EGFR: variants seen among roughly 807,000 people sequenced by gnomAD.
The protein encoded by EGFR is avian erythroblastic leukemia viral (v-erb-b) oncogene homolog.
EGFR carries 58 observed loss-of-function variants against 143.0 expected under a neutral mutation model. The ratio of observed to expected loss-of-function variants is 0.41; its 90% confidence interval spans 0.33 to 0.50. EGFR has a LOEUF of 0.50. EGFR is among the 20% of genes least tolerant of loss of function. The pLI is 0.39. For missense variants in EGFR, 1,307 were observed against 1,579.0 expected, an observed-to-expected ratio of 0.83 and a Z score of 2.92; for synonymous variants, 613 against 594.4, an observed-to-expected ratio of 1.03 and a Z score of -0.45.
chr7:55,191,613 C>A (rs1361363660), intron 20 of EGFR, 106 bp from the exon 21 acceptor site: 27 of 1,497,190 alleles, frequency 1.8e-5, no homozygotes, highest in Middle Eastern at 1.9e-4. Context: ...CATAAGTCCT[C>A]GACGTGGAGA....
intron 1 of EGFR, among the ~76,000 whole-genome samples, chr7:55,037,124 T>A (rs1304799166): frequency 6.6e-6 from 1 of 152,252 alleles, no homozygotes; most frequent in Non-Finnish European, 1.5e-5. Context: ...CAACCATAAA[T>A]GATGTCTGCT....
At chr7:55,108,040 G>T (rs1792243512) in intron 1 of EGFR, among the ~76,000 whole-genome samples, 1 of 152,184 alleles carries the variant, frequency 6.6e-6, no homozygotes, top group African/African-American at 2.4e-5. Context: ...TATTGTGTTT[G>T]AAAGATGAAG....
In EGFR at chr7:55,206,628, T is replaced by C. The variant is rs1405800044; in HGVS notation, c.*1011T>C. 9 of 233,202 alleles carry C rather than the reference T, an allele frequency of 3.9e-5. No homozygotes were observed. Among genetic ancestry groups the C allele is most frequent in the Non-Finnish European group, 7.6e-5 (9 of 118,068 alleles). The allele number at this position is 233,202 out of a possible 1,614,324, so 14.4% of individuals were successfully genotyped here. ...GATCAGAAGACTACAAAAATGAAGCTGCTCTGAAATCTCCTTTAGCCATCA... is the reference window on the plus strand; with the variant it reads ...GATCAGAAGACTACAAAAATGAAGCCGCTCTGAAATCTCCTTTAGCCATCA... On this transcript the variant is annotated 3_prime_UTR_variant, in exon 28 of 28. Coordinates refer to ENST00000275493, the MANE Select transcript of EGFR (RefSeq NM_005228.5).
intron 1 of EGFR, among the ~76,000 whole-genome samples, chr7:55,026,110 G>A (rs1786868371): frequency 6.6e-6 from 1 of 152,098 alleles, no homozygotes; most frequent in Admixed American, 6.5e-5. Flanking sequence ...AGTATTTCTG[G>A]GGAATGGAGC....
intron 1 of EGFR, among the ~76,000 whole-genome samples, chr7:55,095,946 TACAG>T (rs1425954346): frequency 2.3e-5 from 3 of 133,184 alleles, no homozygotes; most frequent in Non-Finnish European, 1.6e-5. Flanking sequence ...GAGACACAGA[TACAG>T]ACACAGACAG....
At chr7:55,170,361 C>T (rs1185366027) in intron 15 of EGFR, 1 of 1,614,160 alleles carries the variant, frequency 6.2e-7, no homozygotes, top group Middle Eastern at 1.6e-4. Flanking sequence ...AACTATCATC[C>T]TGTAATCAAA....
chr7:55,125,958 C>T (rs1037087554), intron 1 of EGFR, among the ~76,000 whole-genome samples: 4 of 152,094 alleles, frequency 2.6e-5, no homozygotes, highest in African/African-American at 9.7e-5. Flanking sequence ...TCCCACTTCC[C>T]CTCACACTCT....
chr7:55,153,074 G>T (rs1294466552), intron 6 of EGFR, among the ~76,000 whole-genome samples: 1 of 152,170 alleles, frequency 6.6e-6, no homozygotes, highest in Non-Finnish European at 1.5e-5. Context: ...TACCTCTAGA[G>T]ACTTGACACT....
rs2128938828 is a variant in EGFR at position 55,156,845 on chromosome 7, T to C, written c.1207+13T>C. ...AAGGAAATCACAGGTTTGAGCTGAA[T>C]TATCACATGAATATAAATGGGAAAT... On this transcript the variant is annotated intron_variant, in intron 10 of 27. Transcript: ENST00000275493. The C allele has an allele frequency of 1.2e-6, 2 of 1,614,240 alleles. 1 individual carries two copies. Among genetic ancestry groups the C allele is most frequent in the Middle Eastern group, 3.3e-4 (2 of 6,062 alleles).
intron 4 of EGFR, among the ~76,000 whole-genome samples, chr7:55,149,280 C>T (rs1040236284): frequency 1.3e-5 from 2 of 152,028 alleles, no homozygotes; most frequent in African/African-American, 4.8e-5. Context: ...CTTTAAAAGA[C>T]TAAGAAAAAG....
chr7:55,203,807 C>G (rs73136861), intron 27 of EGFR, among the ~76,000 whole-genome samples: 28,199 of 151,482 alleles, frequency 0.19, 3,275 homozygotes, highest in East Asian at 0.46. Flanking sequence ...CCCACACACA[C>G]ATGTATAAAG....
intron 25 of EGFR, 90 bp from the exon 26 acceptor site, chr7:55,201,645 C>A (rs1010446080): frequency 6.7e-7 from 1 of 1,487,034 alleles, no homozygotes; most frequent in Admixed American, 1.7e-5. Flanking sequence ...TCACAATATA[C>A]CCTCCATGAG....
In EGFR at chr7:55,209,929, TTCTC is replaced by T. The variant is rs1343403531; in HGVS notation, c.*4318_*4321del. 2 of 152,216 alleles carry T rather than the reference TTCTC, an allele frequency of 1.3e-5. No individual in the cohort carries two copies. Among genetic ancestry groups the T allele is most frequent in the African/African-American group, 4.8e-5 (2 of 41,458 alleles). 9.4% of individuals were successfully genotyped at this position (152,216 alleles called of 1,614,324 possible). ...TAAGTTGAGGCAAGAGGAAAGCCCTTTCTCTCTCTTATAAAAAGGCACAACCTCA... is the reference window on the plus strand; with the variant it reads ...TAAGTTGAGGCAAGAGGAAAGCCCTTTCTCTTATAAAAAGGCACAACCTCA... On this transcript the variant is annotated 3_prime_UTR_variant, in exon 28 of 28. Transcript: ENST00000275493.
At chr7:55,183,315 G>C (rs1786979308) in intron 20 of EGFR, among the ~76,000 whole-genome samples, 2 of 152,090 alleles carry the variant, frequency 1.3e-5, no homozygotes, top group Admixed American at 1.3e-4. Context: ...AGTTTGATTT[G>C]ATCACTCCGC....
intron 1 of EGFR, among the ~76,000 whole-genome samples, chr7:55,100,566 G>A (rs1791751691): frequency 6.6e-6 from 1 of 152,240 alleles, no homozygotes; most frequent in Non-Finnish European, 1.5e-5. Context: ...GTTTACTGCA[G>A]AGTGACCCTG....
At chr7:55,084,000 G>A (rs1408051783) in intron 1 of EGFR, among the ~76,000 whole-genome samples, 1 of 152,118 alleles carries the variant, frequency 6.6e-6, no homozygotes, top group Admixed American at 6.5e-5. Context: ...TTAATAACAG[G>A]GTCAAGGCCA....
At chr7:55,052,987 C>A (rs1369549730) in intron 1 of EGFR, among the ~76,000 whole-genome samples, 1 of 152,096 alleles carries the variant, frequency 6.6e-6, no homozygotes, top group Non-Finnish European at 1.5e-5. Context: ...GAAAATAAGA[C>A]CTTGATTCCC....
intron 1 of EGFR, chr7:55,109,591 T>A: frequency 3.3e-6 from 1 of 303,814 alleles, no homozygotes; most frequent in Non-Finnish European, 4.8e-6. Flanking sequence ...TTCAAAGCCT[T>A]CCTCGCTTTC....
chr7:55,123,860 T>C (rs554616970), intron 1 of EGFR, among the ~76,000 whole-genome samples: 45 of 151,000 alleles, frequency 3.0e-4, no homozygotes, highest in African/African-American at 1.0e-3. Context: ...TGCCCGTATG[T>C]GCATGCATGC....
Sources: gnomAD v4.1 joint callset for allele counts (sites outside exome capture counted in the v4.1 genomes callset) on GRCh38, gnomAD v4.1.1 for gene constraint, MANE v1.5 for transcripts, NCBI Gene and HGNC (gene_info 2026-07-23, HGNC 2026-07-21) for gene names.